BOLA3: variants seen among roughly 807,000 people sequenced by gnomAD.
BOLA3 encodes bolA-like protein 3.
In BOLA3, 8 loss-of-function variants were observed where a neutral mutation model predicts 14.5. That is an observed-to-expected ratio of 0.55 (90% confidence interval 0.32 to 0.99). The LOEUF (loss-of-function observed/expected upper bound fraction) is 0.99, where lower values mean the gene tolerates loss of function less well. BOLA3 is among the 50% of genes least tolerant of loss of function. The pLI is 0.04. For synonymous variants in BOLA3, 42 were observed against 45.7 expected, an observed-to-expected ratio of 0.92 and a Z score of 0.33; for missense variants, 115 against 138.2, an observed-to-expected ratio of 0.83 and a Z score of 0.84.
chr2:74,145,508 G>A lies in BOLA3; in HGVS notation c.55-205C>T, dbSNP rs77520649. ...AAACACAGAATAAACTTTTATTGGC[G>A]GGGACAGGATGATTGTTAATAACTC... On this transcript the variant is annotated intron_variant, in intron 1 of 3. Transcript: ENST00000327428. 905 of 596,186 alleles carry A rather than the reference G, an allele frequency of 1.5e-3. 7 individuals are homozygous for A. The East Asian group carries it at 0.017, about 11-fold the overall frequency. The allele number at this position is 596,186 out of a possible 1,614,324, so 36.9% of individuals were successfully genotyped here. A position where few individuals can be genotyped will look rare whatever the true frequency, so the allele number is the denominator to read the frequency against.
At chr2:74,147,782 C>A (rs940385827) in intron 1 of BOLA3, 39 bp downstream of exon 1, 5 of 1,528,714 alleles carry the variant, frequency 3.3e-6, no homozygotes, top group Admixed American at 3.9e-5. Flanking sequence ...CCGCAGCTCC[C>A]GTCCCGGGGA....
intron 2 of BOLA3, 74 bp from the exon 3 acceptor site, chr2:74,142,434 A>T: frequency 8.9e-7 from 1 of 1,125,596 alleles, no homozygotes; most frequent in South Asian, 1.2e-5. Flanking sequence ...TCCTTGAAGT[A>T]CTGTACAATC....
intron 3 of BOLA3, among the ~76,000 whole-genome samples, chr2:74,136,650 C>T (rs781284524): frequency 6.6e-6 from 1 of 152,100 alleles, no homozygotes; most frequent in Non-Finnish European, 1.5e-5. Context: ...TGTCCTGATT[C>T]TTTTTTGCAT....
chr2:74,140,914 A>G (rs2103647206), intron 3 of BOLA3, among the ~76,000 whole-genome samples: 1 of 152,364 alleles, frequency 6.6e-6, no homozygotes, highest in South Asian at 2.1e-4. Context: ...CAAAGCCCAG[A>G]TTTGAAAGTG....
chr2:74,140,140 C>G (rs1692411731), intron 3 of BOLA3, among the ~76,000 whole-genome samples: 1 of 151,992 alleles, frequency 6.6e-6, no homozygotes, highest in East Asian at 1.9e-4. Context: ...TAAAATTAGC[C>G]AGGTGTGGTG....
chr2:74,141,412 GGGGA>G (rs2103648273), intron 3 of BOLA3, among the ~76,000 whole-genome samples: 1 of 152,254 alleles, frequency 6.6e-6, no homozygotes, highest in Admixed American at 6.5e-5. Flanking sequence ...ATTCCCTGCT[GGGGA>G]GGGAGGGGAG....
At chr2:74,135,849 G>A (rs373022622) in intron 3 of BOLA3, among the ~76,000 whole-genome samples, 191 bp from the exon 4 acceptor site, 1 of 151,710 alleles carries the variant, frequency 6.6e-6, no homozygotes, top group South Asian at 2.1e-4. Flanking sequence ...AGATTCAAAG[G>A]TACAAAAAGG....
intron 2 of BOLA3, 39 bp from the exon 3 acceptor site, chr2:74,142,399 G>T: frequency 6.7e-7 from 1 of 1,485,874 alleles, no homozygotes. Flanking sequence ...CAATTATTAA[G>T]TCATGGCAGC....
rs547108083 is a variant in BOLA3 at position 74,147,775 on chromosome 2, C to T, written c.54+46G>A. On this transcript the variant is annotated intron_variant, in intron 1 of 3. Coordinates refer to ENST00000327428, the MANE Select transcript of BOLA3 (RefSeq NM_212552.3). ...AGCCGCCGGCCCCGCGGTCCCTCCGCAGCTCCCGTCCCGGGGAGAGCAGCC... is the reference window on the plus strand; with the variant it reads ...AGCCGCCGGCCCCGCGGTCCCTCCGTAGCTCCCGTCCCGGGGAGAGCAGCC... 19,157 of 1,527,280 alleles carry T rather than the reference C, an allele frequency of 0.013. 263 individuals are homozygous for T. The highest frequency in any genetic ancestry group is 0.067 in the Admixed American group (3,430 of 50,816). 94.6% of individuals were successfully genotyped at this position (1,527,280 alleles called of 1,614,324 possible).
In BOLA3 at chr2:74,136,312, T is replaced by C. The variant is rs150445550; in HGVS notation, c.259-654A>G. On this transcript the variant is annotated intron_variant, in intron 3 of 3. Transcript: ENST00000327428. ...TATTCACCAGGCATATTCAAGCTAATATATTTCACCCCATGACCTTTTAAA... is the reference window on the plus strand; with the variant it reads ...TATTCACCAGGCATATTCAAGCTAACATATTTCACCCCATGACCTTTTAAA... Among the ~76,000 whole-genome samples, 42 of 152,320 alleles carry C rather than the reference T, an allele frequency of 2.8e-4. 1 individual carries two copies. The highest frequency in any genetic ancestry group is 2.5e-3 in the East Asian group (13 of 5,194).
At chr2:74,146,893 C>A in intron 1 of BOLA3, 1 of 152,700 alleles carries the variant, frequency 6.5e-6, no homozygotes, top group Non-Finnish European at 1.5e-5. Flanking sequence ...CAATTAGGGA[C>A]AGAAATGCAA....
intron 1 of BOLA3, chr2:74,146,263 G>C (rs1450272827): frequency 6.6e-6 from 1 of 152,266 alleles, no homozygotes; most frequent in Non-Finnish European, 1.5e-5. Flanking sequence ...AAAATTCTAG[G>C]ATTACAGGCA....
rs1692579304 is a variant in BOLA3 at position 74,147,899 on chromosome 2, C to G, written c.-25G>C. 6.6e-7 allele frequency: 1 copy of G among 1,512,566 alleles called. No homozygotes were observed. The highest frequency in any genetic ancestry group is 8.8e-7 in the Non-Finnish European group (1 of 1,137,780). The allele number at this position is 1,512,566 out of a possible 1,614,324, so 93.7% of individuals were successfully genotyped here. On this transcript the variant is annotated 5_prime_UTR_variant, in exon 1 of 4. Transcript: ENST00000327428. ...TGCCCGGCCGACGTGACCCGCCGCC[C>G]GAGGTCACTGTATGCCCGAAAGACG...
Position 74,147,863 on chromosome 2 carries a change from C to A in BOLA3, c.12G>T (p.Trp4Cys). The A allele has an allele frequency of 6.6e-7, 1 of 1,523,302 alleles. No individual in the cohort carries two copies. The highest frequency in any genetic ancestry group is 1.2e-5 in the South Asian group (1 of 82,826). The allele number at this position is 1,523,302 out of a possible 1,614,324, so 94.4% of individuals were successfully genotyped here. Residue 4 changes from tryptophan to cysteine, a missense_variant, in exon 1 of 4, where the codon TGG becomes TGT. Physicochemically the swap from Trp to Cys is radical, Grantham distance 215 (BLOSUM62 -2). Coordinates refer to ENST00000327428, the MANE Select transcript of BOLA3 (RefSeq NM_212552.3). ...GGAGAGGCGCTGCCGCGGCCGGGCT[C>A]CATGCAGCCATGCCCGGCCGACGTG... is the stretch of plus-strand genomic sequence containing the variant. MAA[W>C]SPAAAAPLLR...
intron 3 of BOLA3, among the ~76,000 whole-genome samples, chr2:74,138,867 A>T (rs920076690): frequency 1.3e-5 from 2 of 152,044 alleles, no homozygotes; most frequent in Non-Finnish European, 2.9e-5. Context: ...TATGAGGCTC[A>T]AATCTCACCT....
intron 2 of BOLA3, 121 bp downstream of exon 2, chr2:74,145,068 C>T: frequency 2.8e-6 from 2 of 718,208 alleles, no homozygotes; most frequent in South Asian, 2.9e-5. Context: ...TGTCCAGCAG[C>T]AACACATCTT....
intron 2 of BOLA3, 79 bp downstream of exon 2, chr2:74,145,110 C>T (rs1042167122): frequency 9.6e-6 from 8 of 834,570 alleles, no homozygotes; most frequent in Non-Finnish European, 1.7e-5. Flanking sequence ...AAGCCCCCTC[C>T]TCCAAGCCCC....
intron 3 of BOLA3, among the ~76,000 whole-genome samples, chr2:74,138,590 C>T (rs898701885): frequency 6.6e-6 from 1 of 152,214 alleles, no homozygotes; most frequent in African/African-American, 2.4e-5. Context: ...GAGGTAGGCA[C>T]ATGTCAGGGA....
intron 2 of BOLA3, among the ~76,000 whole-genome samples, chr2:74,144,907 C>T (rs546372896): frequency 1.7e-4 from 26 of 152,208 alleles, no homozygotes; most frequent in Non-Finnish European, 3.2e-4. Flanking sequence ...GACTGTGGAC[C>T]TCAGCTCTAG....
Sources: allele counts gnomAD v4.1 joint callset (sites outside exome capture counted in the v4.1 genomes callset), GRCh38; gene constraint gnomAD v4.1.1; transcripts MANE v1.5; gene names NCBI Gene and HGNC (gene_info 2026-07-23, HGNC 2026-07-21).